TRHDE: variants seen among roughly 807,000 people sequenced by gnomAD.
TRHDE encodes thyrotropin-releasing hormone-degrading ectoenzyme.
In TRHDE, 72 loss-of-function variants were observed where a neutral mutation model predicts 125.7. The ratio of observed to expected loss-of-function variants is 0.57; its 90% CI spans 0.47 to 0.70. The LOEUF (loss-of-function observed/expected upper bound fraction) is 0.70, where lower values mean the gene tolerates loss of function less well. TRHDE is among the 30% of genes least tolerant of loss of function. The probability of loss-of-function intolerance (pLI) is 0.00; values close to 1 mark genes in which losing one functional copy is unlikely to be tolerated. For missense variants in TRHDE, 1,110 were observed against 1,327.1 expected (o/e 0.84, Z 2.54); for synonymous variants, 509 against 509.1 (o/e 1.00, Z 0.00).
chr12:72,335,693 T>C (rs1397208069), intron 2 of TRHDE, among the ~76,000 whole-genome samples: 1 of 152,206 alleles, frequency 6.6e-6, no homozygotes, highest in East Asian at 1.9e-4. Context: ...CTTGAACTGA[T>C]TGAATGAAAC....
At chr12:72,403,203 G>A (rs1031219688) in intron 3 of TRHDE, among the ~76,000 whole-genome samples, 1 of 152,154 alleles carries the variant, frequency 6.6e-6, no homozygotes, top group Admixed American at 6.5e-5. Flanking sequence ...GGCAAGGACC[G>A]AGATAAAAGC....
At chr12:72,354,516 TA>T (rs1285209421) in intron 2 of TRHDE, among the ~76,000 whole-genome samples, 1 of 151,304 alleles carries the variant, frequency 6.6e-6, no homozygotes, top group Admixed American at 6.6e-5. Flanking sequence ...GCAGGTGTTC[TA>T]ATAAGTAAAA....
At chr12:72,626,712 T>C (rs570294334) in intron 15 of TRHDE, among the ~76,000 whole-genome samples, 2 of 152,040 alleles carry the variant, frequency 1.3e-5, no homozygotes, top group Non-Finnish European at 2.9e-5. Context: ...TCTCATAGTG[T>C]AGAGAGCTCC....
chr12:72,243,599 C>T (rs2139382400), intron 2 of TRHDE, among the ~76,000 whole-genome samples: 1 of 152,236 alleles, frequency 6.6e-6, no homozygotes, highest in East Asian at 1.9e-4. Context: ...CTTGTTTCCT[C>T]TTTTTGAAAT....
At chr12:72,511,564 A>G (rs1878580582) in intron 6 of TRHDE, among the ~76,000 whole-genome samples, 1 of 152,128 alleles carries the variant, frequency 6.6e-6, no homozygotes, top group South Asian at 2.1e-4. Context: ...TAAAGAAAAT[A>G]CCTATTTGCC....
At chr12:72,513,963 C>T (rs1038490014) in intron 6 of TRHDE, among the ~76,000 whole-genome samples, 2 of 152,148 alleles carry the variant, frequency 1.3e-5, no homozygotes, top group Middle Eastern at 3.4e-3. Context: ...CAAGTAAAAA[C>T]GGAAAGAAAA....
chr12:72,200,981 A>G (rs1016038427), intron 2 of TRHDE, among the ~76,000 whole-genome samples: 1 of 152,188 alleles, frequency 6.6e-6, no homozygotes, highest in Non-Finnish European at 1.5e-5. Context: ...ACAGTGATAC[A>G]GGAAGATTTC....
At chr12:72,151,480 T>C (rs1380088560) in intron 2 of TRHDE, among the ~76,000 whole-genome samples, 1 of 152,216 alleles carries the variant, frequency 6.6e-6, no homozygotes, top group African/African-American at 2.4e-5. Flanking sequence ...CATGCCTATG[T>C]CCTGAATGGT....
intron 15 of TRHDE, among the ~76,000 whole-genome samples, chr12:72,636,177 A>C (rs1234316861): frequency 1.3e-5 from 2 of 151,992 alleles, no homozygotes; most frequent in Admixed American, 6.6e-5. Flanking sequence ...CTTTTATTTC[A>C]TTGAGCAGTG....
At chr12:72,367,391 G>T (rs1215293794) in intron 2 of TRHDE, among the ~76,000 whole-genome samples, 1 of 151,936 alleles carries the variant, frequency 6.6e-6, no homozygotes, top group Non-Finnish European at 1.5e-5. Context: ...AAGGCTCTTT[G>T]GGCTCTGCCA....
intron 2 of TRHDE, among the ~76,000 whole-genome samples, chr12:72,226,249 G>A (rs1448015808): frequency 6.6e-6 from 1 of 152,138 alleles, no homozygotes; most frequent in Admixed American, 6.6e-5. Context: ...GGTTCCAGAG[G>A]TAGATTTGAT....
chr12:72,123,970 A>G (rs2139303140), intron 2 of TRHDE, among the ~76,000 whole-genome samples: 1 of 152,242 alleles, frequency 6.6e-6, no homozygotes, highest in Non-Finnish European at 1.5e-5. Context: ...TTTGAGACTC[A>G]TCTATATTGT....
chr12:72,111,615 T>C (rs1487215726), intron 2 of TRHDE, among the ~76,000 whole-genome samples: 1 of 152,180 alleles, frequency 6.6e-6, no homozygotes, highest in Admixed American at 6.6e-5. Flanking sequence ...AGAATGCTTG[T>C]TCAGGCTGAA....
chr12:72,636,040 A>G (rs1421485434), intron 15 of TRHDE, among the ~76,000 whole-genome samples: 1 of 150,858 alleles, frequency 6.6e-6, no homozygotes, highest in Non-Finnish European at 1.5e-5. Context: ...TTCTGTGAAG[A>G]AAGTCATTGG....
chr12:72,515,790 G>C (rs373627566), intron 6 of TRHDE, among the ~76,000 whole-genome samples: 1,813 of 151,384 alleles, frequency 0.012, 13 homozygotes, highest in Non-Finnish European at 0.019. Flanking sequence ...ATGTTTAAGT[G>C]TTTAATCCAT....
At chr12:72,642,327 T>C (rs933001349) in intron 15 of TRHDE, among the ~76,000 whole-genome samples, 1 of 152,218 alleles carries the variant, frequency 6.6e-6, no homozygotes, top group Non-Finnish European at 1.5e-5. Context: ...TTGAGTAAGA[T>C]AACAAAGTTA....
rs1280265888 is a variant in TRHDE, at chr12:72,430,349, GTATACATA to G, written c.1316-39395_1316-39388del. ...TACATATATACATGTATATATACATGTATACATATATACATATATACGTATATATACAT... is the reference window on the plus strand; with the variant it reads ...TACATATATACATGTATATATACATGTATACATATATACGTATATATACAT... On this transcript the variant is annotated intron_variant, in intron 3 of 18. Transcript: ENST00000261180. Among the ~76,000 whole-genome samples the G allele has an allele frequency of 4.0e-4, 54 of 136,654 alleles. No individual in the cohort carries two copies. In the South Asian group the frequency reaches 8.5e-3, roughly 21 times the overall value. 89.7% of individuals were successfully genotyped at this position (136,654 alleles called of 152,430 possible). A position where few individuals can be genotyped will look rare whatever the true frequency, so the allele number is the denominator to read the frequency against.
chr12:72,204,400 C>T (rs1395614765), intron 2 of TRHDE, among the ~76,000 whole-genome samples: 2 of 152,058 alleles, frequency 1.3e-5, no homozygotes, highest in African/African-American at 4.8e-5. Context: ...GCTGTGCTTC[C>T]TGTTATTTTT....
chr12:72,514,723 G>T (rs1283792935), intron 6 of TRHDE, among the ~76,000 whole-genome samples: 1 of 150,702 alleles, frequency 6.6e-6, no homozygotes, highest in African/African-American at 2.4e-5. Flanking sequence ...TGCCATGCTG[G>T]TGCGCTGCAC....
Sources: allele counts gnomAD v4.1 joint callset (sites outside exome capture counted in the v4.1 genomes callset), GRCh38; gene constraint gnomAD v4.1.1; transcripts MANE v1.5; gene names NCBI Gene and HGNC (gene_info 2026-07-23, HGNC 2026-07-21).